The following SLC12A3 variants were observed in gnomAD, a reference collection of about 807,000 sequenced individuals.
SLC12A3 encodes the protein Na-Cl cotransporter.
Under a neutral mutation model 121.0 loss-of-function variants are expected in SLC12A3, and 104 were observed. The observed-to-expected ratio is 0.86, with a 90% CI of 0.73 to 1.01. SLC12A3 has a LOEUF of 1.01. Among genes scored for constraint, SLC12A3 ranks in the 50% least tolerant of loss-of-function variants. SLC12A3 has a pLI of 0.00. For missense variants in SLC12A3, 1,328 were observed against 1,356.3 expected (o/e 0.98, Z 0.33); for synonymous variants, 536 against 533.4 (o/e 1.00, Z -0.07).
chr16:56,892,883 G>T, intron 20 of SLC12A3, 70 bp from the exon 21 acceptor site: 1 of 1,275,522 alleles, frequency 7.8e-7, no homozygotes, highest in Non-Finnish European at 1.1e-6. Context: ...GGCGTTGGCG[G>T]GGCCCTGGGC....
At chr16:56,909,316 CA>C (rs113559082) in intron 25 of SLC12A3, among the ~76,000 whole-genome samples, 28,218 of 131,430 alleles carry the variant, frequency 0.21, 3,808 homozygotes, top group African/African-American at 0.41. Context: ...AAAAAGAAAG[CA>C]AAAAAAAAAA....
At chr16:56,887,482 C>T (rs1426370393) in intron 17 of SLC12A3, among the ~76,000 whole-genome samples, 1 of 151,794 alleles carries the variant, frequency 6.6e-6, no homozygotes, top group Non-Finnish European at 1.5e-5. Context: ...GCTCGGTTTA[C>T]AGGCATGAGC....
intron 21 of SLC12A3, among the ~76,000 whole-genome samples, chr16:56,893,504 A>G (rs1327389812): frequency 6.6e-6 from 1 of 152,242 alleles, no homozygotes; most frequent in East Asian, 1.9e-4. Flanking sequence ...ATAACTGCCA[A>G]AATAGGCTGA....
intron 25 of SLC12A3, among the ~76,000 whole-genome samples, chr16:56,905,942 C>G (rs1180726100): frequency 6.6e-6 from 1 of 152,092 alleles, no homozygotes; most frequent in East Asian, 1.9e-4. Flanking sequence ...GGAGAGCAAC[C>G]ACAAGTGCCT....
chr16:56,906,569 C>A, intron 25 of SLC12A3: 1 of 263,412 alleles, frequency 3.8e-6, no homozygotes, highest in South Asian at 5.6e-5. Flanking sequence ...CTAGGAAGGT[C>A]GTGACCAACT....
chr16:56,902,898 C>A (rs1164543532), intron 24 of SLC12A3, among the ~76,000 whole-genome samples: 1 of 152,148 alleles, frequency 6.6e-6, no homozygotes, highest in Non-Finnish European at 1.5e-5. Flanking sequence ...GTAATCCCAG[C>A]ACTTTGGGAG....
chr16:56,893,148 G>C, intron 21 of SLC12A3, 94 bp downstream of exon 21: 1 of 1,041,382 alleles, frequency 9.6e-7, no homozygotes, highest in Non-Finnish European at 1.5e-6. Context: ...TCTCAAAGGG[G>C]ACAGGGGCTC....
intron 13 of SLC12A3, among the ~76,000 whole-genome samples, chr16:56,882,990 C>T (rs541536214): frequency 6.6e-6 from 1 of 152,220 alleles, no homozygotes; most frequent in South Asian, 2.1e-4. Context: ...GCTCTCCTTT[C>T]TCGCGCACTG....
At position 56,913,247 on chromosome 16, in the gene SLC12A3, T is replaced by C. The variant is rs576260406; in HGVS notation, c.2925-17T>C. 287 of 1,613,890 alleles carry C rather than the reference T, an allele frequency of 1.8e-4. 2 individuals carry two copies. Among genetic ancestry groups the C allele is most frequent in the South Asian group, 1.6e-3 (142 of 91,076 alleles). On this transcript the variant is annotated splice_polypyrimidine_tract_variant and intron_variant, in intron 25 of 25. Coordinates refer to ENST00000563236, the MANE Select transcript of SLC12A3 (RefSeq NM_001126108.2). ...CCCGTGGTAATCTCTCTTCTACCAC[T>C]TTTTCATGCCTTGCAGCACTTTGCC...
intron 24 of SLC12A3, 72 bp from the exon 25 acceptor site, chr16:56,904,323 G>A: frequency 1.5e-6 from 2 of 1,319,014 alleles, no homozygotes; most frequent in Non-Finnish European, 2.2e-6. Context: ...TGTTAATGAG[G>A]CCATAGACGT....
chr16:56,894,235 CCT>C (rs2055431789), intron 21 of SLC12A3, among the ~76,000 whole-genome samples: 1 of 152,060 alleles, frequency 6.6e-6, no homozygotes, highest in South Asian at 2.1e-4. Flanking sequence ...GAACTCCTGA[CCT>C]CAGGTGATCC....
At chr16:56,893,970 AT>A (rs368942089) in intron 21 of SLC12A3, among the ~76,000 whole-genome samples, 1,868 of 85,908 alleles carry the variant, frequency 0.022, 25 homozygotes, top group East Asian at 0.087. Context: ...TTTTATTTTT[AT>A]TTTATTTATT....
At chr16:56,869,887 C>T in intron 4 of SLC12A3, 63 bp downstream of exon 4, 1 of 1,485,978 alleles carries the variant, frequency 6.7e-7, no homozygotes, top group Non-Finnish European at 9.4e-7. Context: ...GGGAACAGGA[C>T]TCCCAACTTC....
At chr16:56,890,184 C>A in intron 18 of SLC12A3, 90 bp from the exon 19 acceptor site, 1 of 947,058 alleles carries the variant, frequency 1.1e-6, no homozygotes, top group Non-Finnish European at 1.7e-6. Context: ...GGAAGCAGAG[C>A]CAACTCTAGA....
At chr16:56,899,381 C>G (rs980151475) in intron 22 of SLC12A3, 149 bp from the exon 23 acceptor site, 3 of 680,154 alleles carry the variant, frequency 4.4e-6, no homozygotes, top group Non-Finnish European at 8.1e-6. Context: ...CCCAACTACT[C>G]GGGAGGCTGG....
intron 12 of SLC12A3, 73 bp downstream of exon 12, chr16:56,880,326 G>T: frequency 6.6e-7 from 1 of 1,521,512 alleles, no homozygotes. Flanking sequence ...TTGGGGGCCG[G>T]GCTCTTCTCC....
At chr16:56,913,240 C>A (rs554756244) in intron 25 of SLC12A3, 24 bp from the exon 26 acceptor site, 4 of 1,613,966 alleles carry the variant, frequency 2.5e-6, no homozygotes, top group Non-Finnish European at 3.4e-6. Context: ...AATCTCTCTT[C>A]TACCACTTTT....
At chr16:56,882,931 G>C (rs1470687260) in intron 13 of SLC12A3, among the ~76,000 whole-genome samples, 1 of 152,098 alleles carries the variant, frequency 6.6e-6, no homozygotes, top group African/African-American at 2.4e-5. Flanking sequence ...GACAGAGCAA[G>C]ACTCTGTCTC....
At chr16:56,898,175 C>T (rs1235570483) in intron 22 of SLC12A3, among the ~76,000 whole-genome samples, 1 of 152,202 alleles carries the variant, frequency 6.6e-6, no homozygotes, top group Non-Finnish European at 1.5e-5. Flanking sequence ...CATGTCCTTC[C>T]CAGGGGTTCT....
Sources: gnomAD v4.1 joint callset for allele counts (sites outside exome capture counted in the v4.1 genomes callset) on GRCh38, gnomAD v4.1.1 for gene constraint, MANE v1.5 for transcripts, NCBI Gene and HGNC (gene_info 2026-07-23, HGNC 2026-07-21) for gene names.